Variants in NWD1 observed in about 807,000 individuals in gnomAD.
NWD1 encodes the protein NACHT domain- and WD repeat-containing protein 1.
In NWD1, 129 loss-of-function variants were observed where a neutral mutation model predicts 135.1. The observed-to-expected ratio is 0.96, with a 90% CI of 0.83 to 1.11. The LOEUF (loss-of-function observed/expected upper bound fraction) is 1.11. Ranked by LOEUF, NWD1 falls within the 50% of genes least tolerant of loss-of-function variation. The pLI, the probability that NWD1 is intolerant of heterozygous loss-of-function variation, is 0.00. For synonymous variants in NWD1, 773 were observed against 786.0 expected (o/e 0.98, Z 0.28); for missense variants, 1,740 against 1,851.3 (o/e 0.94, Z 1.10).
chr19:16,779,794 A>G (rs571420369), intron 12 of NWD1, among the ~76,000 whole-genome samples: 1 of 151,548 alleles, frequency 6.6e-6, no homozygotes, highest in African/African-American at 2.4e-5. Context: ...ATACCACTAT[A>G]CCCAGCTAAT....
chr19:16,726,264 T>C (rs538229928), intron 2 of NWD1, among the ~76,000 whole-genome samples: 18 of 150,842 alleles, frequency 1.2e-4, no homozygotes, highest in African/African-American at 3.6e-4. Context: ...TCCTGGCCCA[T>C]GGCTCTATTT....
rs770575519 is a variant in NWD1 at position 16,750,365 on chromosome 19, G to A, written c.1723G>A (p.Gly575Arg). The A allele has an allele frequency of 1.6e-5, 25 of 1,605,248 alleles. No individual in the cohort carries two copies. The highest frequency in any genetic ancestry group is 1.2e-4 in the Admixed American group (7 of 57,654). ...QLCTRLEQTH[G>R]QLLVAHVLGY... ...CTGCACCCGCCTGGAGCAGACACAC[G>A]GGCAGCTCCTCGTGGCCCACGTGCT... The change falls in exon 6 of 19, where the codon GGG (glycine) becomes AGG (arginine). Residue 575 changes from glycine (G) to arginine (R), a missense_variant. Gly to Arg is a moderately radical substitution (Grantham distance 125, BLOSUM62 -2). Coordinates refer to ENST00000524140, the MANE Select transcript of NWD1 (RefSeq NM_001007525.5).
chr19:16,798,274 T>C (rs535630019), intron 16 of NWD1, among the ~76,000 whole-genome samples: 20 of 152,302 alleles, frequency 1.3e-4, no homozygotes, highest in African/African-American at 4.1e-4. Context: ...TTCTCTTTTT[T>C]TCCCCCTCCT....
rs1039971476 is a variant in NWD1 at position 16,783,884 on chromosome 19, T to C, written c.2731+4419T>C. Among the ~76,000 whole-genome samples, 3 of 152,084 alleles carry C rather than the reference T, an allele frequency of 2.0e-5. No homozygotes were observed. In the South Asian group the frequency reaches 6.2e-4, roughly 31 times the overall value. ...CTATTTACATAGCACGTATGCCATA[T>C]TAGGTATTGTAAGTAACCTAGAGAT... On this transcript the variant is annotated intron_variant, in intron 12 of 18. Transcript: ENST00000524140.
rs546692567 is a variant in NWD1 at position 16,791,767 on chromosome 19, G to A, written c.3213+145G>A. The A allele has an allele frequency of 3.7e-6, 3 of 809,602 alleles. No homozygotes were observed. In the East Asian group the frequency reaches 7.6e-5, roughly 20 times the overall value. 50.2% of individuals were successfully genotyped at this position (809,602 alleles called of 1,614,324 possible). ...TCACTTTTGTTGCCCAGGCTGGAGT[G>A]CAATGGTGTAATCTCAGCTCACTGC... is the stretch of plus-strand genomic sequence containing the variant. On this transcript the variant is annotated intron_variant, in intron 14 of 18. Coordinates refer to ENST00000524140, the MANE Select transcript of NWD1 (RefSeq NM_001007525.5).
At chr19:16,722,028 G>A (rs1283078698) in intron 1 of NWD1, among the ~76,000 whole-genome samples, 4 of 151,976 alleles carry the variant, frequency 2.6e-5, no homozygotes, top group South Asian at 2.1e-4. Flanking sequence ...CAGGAGGATG[G>A]TTTGAGTCCA....
rs541564928 is a variant in NWD1 at position 16,792,308 on chromosome 19, A to AG, written c.3213+693dup. Among the ~76,000 whole-genome samples, 129 of 151,728 alleles carry AG rather than the reference A, an allele frequency of 8.5e-4. No homozygotes were observed. The East Asian group carries it at 9.0e-3, about 11-fold the overall frequency. Reference sequence around the variant, plus strand: ...GTAATCCCAGCACTTTGGGAGGCTGAGGGGGGGTGGATCATTTGAGGTCAG... The same window carrying AG: ...GTAATCCCAGCACTTTGGGAGGCTGAGGGGGGGGTGGATCATTTGAGGTCAG... On this transcript the variant is annotated intron_variant, in intron 14 of 18. Coordinates refer to ENST00000524140, the MANE Select transcript of NWD1 (RefSeq NM_001007525.5).
At chr19:16,790,068 T>A (rs899445662) in intron 13 of NWD1, among the ~76,000 whole-genome samples, 1 of 152,182 alleles carries the variant, frequency 6.6e-6, no homozygotes, top group African/African-American at 2.4e-5. Context: ...ACAATGTCTG[T>A]TCCACTGTGT....
intron 11 of NWD1, among the ~76,000 whole-genome samples, chr19:16,776,202 C>T (rs560953210): frequency 2.7e-4 from 41 of 152,094 alleles, no homozygotes; most frequent in Non-Finnish European, 5.1e-4. Flanking sequence ...CACTGTGCCC[C>T]GCTGTACATC....
intron 4 of NWD1, among the ~76,000 whole-genome samples, chr19:16,738,732 A>C (rs2122740985): frequency 7.0e-6 from 1 of 141,852 alleles, no homozygotes; most frequent in East Asian, 2.0e-4. Flanking sequence ...TATATAATCT[A>C]TATATAATAT....
intron 5 of NWD1, chr19:16,745,130 C>T (rs975376539): frequency 4.4e-6 from 2 of 458,248 alleles, no homozygotes; most frequent in Admixed American, 2.4e-5. Context: ...CAAAGAGGCA[C>T]ATCTTACATG....
chr19:16,749,106 C>T, intron 5 of NWD1, 33 bp from the exon 6 acceptor site: 2 of 1,544,452 alleles, frequency 1.3e-6, no homozygotes, highest in Non-Finnish European at 8.8e-7. Flanking sequence ...CAATAATGAC[C>T]ACACTTCCTT....
intron 4 of NWD1, among the ~76,000 whole-genome samples, chr19:16,739,034 A>G (rs1315551497): frequency 2.7e-5 from 4 of 150,502 alleles, no homozygotes; most frequent in South Asian, 2.1e-4. Context: ...CTACACTTCT[A>G]TTGTAATTTG....
chr19:16,783,979 C>T (rs114440251), intron 12 of NWD1, among the ~76,000 whole-genome samples: 7,304 of 151,960 alleles, frequency 0.048, 552 homozygotes, highest in African/African-American at 0.17. Context: ...CGGGAGGCCG[C>T]GGATCACCTG....
rs541845272 is a variant in NWD1, at chr19:16,744,306, G to A, written c.199-115G>A. The stretch of plus-strand genomic sequence containing the variant: ...GTGGGAGGATCACTTAAACCCAGGA[G>A]GTTGAGGCTGCAGTGAGCCATGGTT... On this transcript the variant is annotated intron_variant, in intron 4 of 18. Coordinates refer to ENST00000524140, the MANE Select transcript of NWD1 (RefSeq NM_001007525.5). 4.4e-4 allele frequency: 348 copies of A among 787,764 alleles called. 1 individual carries two copies. Among genetic ancestry groups the A allele is most frequent in the Admixed American group, 6.3e-4 (26 of 41,416 alleles). The allele number at this position is 787,764 out of a possible 1,614,324, so 48.8% of individuals were successfully genotyped here.
intron 17 of NWD1, among the ~76,000 whole-genome samples, chr19:16,803,600 C>T (rs888305907): frequency 6.6e-6 from 1 of 151,926 alleles, no homozygotes; most frequent in Non-Finnish European, 1.5e-5. Flanking sequence ...CATAACACGC[C>T]TATAACTTCA....
intron 15 of NWD1, among the ~76,000 whole-genome samples, 195 bp from the exon 16 acceptor site, chr19:16,797,537 C>T (rs1429419950): frequency 3.9e-5 from 6 of 151,940 alleles, no homozygotes; most frequent in Non-Finnish European, 5.9e-5. Flanking sequence ...CATGAAACAT[C>T]GGGGTTCACC....
intron 12 of NWD1, among the ~76,000 whole-genome samples, chr19:16,787,744 C>G (rs1254052094): frequency 1.3e-5 from 2 of 151,666 alleles, no homozygotes; most frequent in Non-Finnish European, 2.9e-5. Context: ...CCTGTAATCC[C>G]AGCTACTCAG....
At chr19:16,791,198 C>T (rs1401765166) in intron 13 of NWD1, 152 bp from the exon 14 acceptor site, 2 of 675,580 alleles carry the variant, frequency 3.0e-6, no homozygotes, top group Non-Finnish European at 5.0e-6. Context: ...TGCACCACTG[C>T]ACTCCAGCCT....
Sources: gnomAD v4.1 joint callset for allele counts (sites outside exome capture counted in the v4.1 genomes callset) on GRCh38, gnomAD v4.1.1 for gene constraint, MANE v1.5 for transcripts, NCBI Gene and HGNC (gene_info 2026-07-23, HGNC 2026-07-21) for gene names.